Variants in GSK3B observed in about 807,000 individuals in gnomAD.
GSK3B encodes glycogen synthase kinase 3 beta, also known as glycogen synthase kinase-3 beta.
In GSK3B, 15 loss-of-function variants were observed where a neutral mutation model predicts 56.4. The observed-to-expected ratio is 0.27, with a 90% confidence interval of 0.18 to 0.41. The LOEUF is 0.41. Among genes scored for constraint, GSK3B ranks in the 10% least tolerant of loss-of-function variants. The probability of loss-of-function intolerance (pLI) is 1.00; values close to 1 mark genes in which losing one functional copy is unlikely to be tolerated. For synonymous variants in GSK3B, 181 were observed against 188.9 expected (o/e 0.96, Z 0.34); for missense variants, 300 against 513.4 (o/e 0.58, Z 4.02).
At chr3:119,948,760 G>A (rs550518515) in intron 2 of GSK3B, among the ~76,000 whole-genome samples, 46 of 152,286 alleles carry the variant, frequency 3.0e-4, no homozygotes, top group African/African-American at 1.1e-3. Flanking sequence ...GTGCAATGGC[G>A]TGATCTCGGC....
intron 3 of GSK3B, among the ~76,000 whole-genome samples, chr3:119,926,330 A>C (rs550807964): frequency 1.2e-5 from 1 of 84,222 alleles, no homozygotes; most frequent in East Asian, 7.5e-4. Flanking sequence ...TTACACTTCC[A>C]CACACACACA....
chr3:120,044,783 T>C (rs2058089862), intron 1 of GSK3B, among the ~76,000 whole-genome samples: 1 of 152,206 alleles, frequency 6.6e-6, no homozygotes, highest in African/African-American at 2.4e-5. Context: ...AAAAACAGAA[T>C]GGCCCTAGAC....
At chr3:119,961,711 T>C (rs77830433) in intron 2 of GSK3B, among the ~76,000 whole-genome samples, 15,717 of 148,506 alleles carry the variant, frequency 0.11, 927 homozygotes, top group African/African-American at 0.17. Context: ...ACAAATCAGA[T>C]ATAGAAGGAA....
intron 1 of GSK3B, among the ~76,000 whole-genome samples, chr3:120,008,054 A>G (rs975079027): frequency 6.6e-6 from 1 of 152,226 alleles, no homozygotes; most frequent in Non-Finnish European, 1.5e-5. Context: ...CACAAAATCA[A>G]TGTGCAAAAA....
rs1185409223 is a variant in GSK3B, at chr3:119,821,957, A to C, written c.*4831T>G. ...TAAAGACCACACACTTGTGAATTTT[A>C]ATTTCATTTCCAGGCTAACCTACTT... On this transcript the variant is annotated 3_prime_UTR_variant, in exon 11 of 11. Coordinates refer to ENST00000264235, the MANE Select transcript of GSK3B (RefSeq NM_001146156.2). The C allele has an allele frequency of 5.4e-6, 1 of 184,660 alleles. No individual in the cohort carries two copies. The highest frequency in any genetic ancestry group is 2.3e-5 in the African/African-American group (1 of 42,718). The allele number at this position is 184,660 out of a possible 1,614,324, so 11.4% of individuals were successfully genotyped here.
At chr3:119,891,563 C>A (rs1016409874) in intron 7 of GSK3B, among the ~76,000 whole-genome samples, 5 of 152,076 alleles carry the variant, frequency 3.3e-5, no homozygotes, top group Admixed American at 3.3e-4. Flanking sequence ...TCATTTCATA[C>A]ACAAAACAAG....
At chr3:119,930,142 C>T (rs1456883347) in intron 3 of GSK3B, among the ~76,000 whole-genome samples, 2 of 151,248 alleles carry the variant, frequency 1.3e-5, no homozygotes, top group Admixed American at 1.3e-4. Flanking sequence ...TGCACACACA[C>T]ATTTATTTAA....
At chr3:119,917,272 T>C (rs2056790383) in intron 4 of GSK3B, among the ~76,000 whole-genome samples, 1 of 152,216 alleles carries the variant, frequency 6.6e-6, no homozygotes, top group African/African-American at 2.4e-5. Flanking sequence ...TGGTGAAAAC[T>C]GCAGACAGCT....
At chr3:119,900,259 T>C (rs2056612357) in intron 7 of GSK3B, among the ~76,000 whole-genome samples, 1 of 152,158 alleles carries the variant, frequency 6.6e-6, no homozygotes, top group Non-Finnish European at 1.5e-5. Flanking sequence ...ACTGAAATTC[T>C]ATTATCAAGA....
At chr3:119,956,798 C>G (rs1360687830) in intron 2 of GSK3B, among the ~76,000 whole-genome samples, 1 of 152,154 alleles carries the variant, frequency 6.6e-6, no homozygotes, top group Non-Finnish European at 1.5e-5. Flanking sequence ...ATACAAGAGA[C>G]AGAGTGAGAA....
chr3:119,933,886 AAC>A (rs2056970127), intron 3 of GSK3B, among the ~76,000 whole-genome samples: 1 of 152,170 alleles, frequency 6.6e-6, no homozygotes, highest in African/African-American at 2.4e-5. Flanking sequence ...TAAAAATAAT[AAC>A]CATAATAATA....
At chr3:119,862,505 C>T (rs1252232741) in intron 9 of GSK3B, among the ~76,000 whole-genome samples, 2 of 103,492 alleles carry the variant, frequency 1.9e-5, no homozygotes, top group Admixed American at 2.3e-4. Flanking sequence ...GCACATGTAC[C>T]CTAAAACTTA....
rs544085637 is a variant in GSK3B, at chr3:120,052,127, C to T, written c.88+41220G>A. Reference sequence around the variant, plus strand: ...AGAGAAGTTCAATAAAGAGGGCTACCCCAGAAAACAGGATTTTCCATCCAT... The same window carrying T: ...AGAGAAGTTCAATAAAGAGGGCTACTCCAGAAAACAGGATTTTCCATCCAT... On this transcript the variant is annotated intron_variant, in intron 1 of 10. Transcript: ENST00000264235. Among the ~76,000 whole-genome samples the T allele has an allele frequency of 2.0e-5, 3 of 152,106 alleles. No homozygotes were observed. The South Asian group carries it at 6.2e-4, about 32-fold the overall frequency.
intron 8 of GSK3B, among the ~76,000 whole-genome samples, chr3:119,869,485 C>T (rs1453157145): frequency 6.6e-6 from 1 of 152,132 alleles, no homozygotes. Context: ...TAAGCCTTTT[C>T]GTTAAGATAC....
At chr3:120,078,472 T>G (rs545398225) in intron 1 of GSK3B, among the ~76,000 whole-genome samples, 1 of 152,148 alleles carries the variant, frequency 6.6e-6, no homozygotes, top group Admixed American at 6.5e-5. Context: ...AAACACACCC[T>G]TTGTTTCTAA....
chr3:120,065,653 T>C (rs1474190230), intron 1 of GSK3B, among the ~76,000 whole-genome samples: 1 of 152,122 alleles, frequency 6.6e-6, no homozygotes, highest in Non-Finnish European at 1.5e-5. Flanking sequence ...CAAAAACTTG[T>C]ACACAAATGT....
At chr3:119,924,552 C>G (rs1464630909) in intron 3 of GSK3B, among the ~76,000 whole-genome samples, 1 of 152,048 alleles carries the variant, frequency 6.6e-6, no homozygotes, top group Non-Finnish European at 1.5e-5. Flanking sequence ...AGAGAGAAAA[C>G]TATATTCAAA....
intron 7 of GSK3B, among the ~76,000 whole-genome samples, chr3:119,904,192 G>A (rs2056658340): frequency 6.6e-6 from 1 of 151,972 alleles, no homozygotes; most frequent in East Asian, 1.9e-4. Flanking sequence ...TGATATCCTC[G>A]ATTTTGCCTT....
At chr3:119,958,035 C>G (rs949363637) in intron 2 of GSK3B, among the ~76,000 whole-genome samples, 2 of 152,144 alleles carry the variant, frequency 1.3e-5, no homozygotes, top group African/African-American at 2.4e-5. Flanking sequence ...TATACCCCCC[C>G]AAGTGTCAAG....
Sources: allele counts gnomAD v4.1 joint callset (sites outside exome capture counted in the v4.1 genomes callset), GRCh38; gene constraint gnomAD v4.1.1; transcripts MANE v1.5; gene names NCBI Gene and HGNC (gene_info 2026-07-23, HGNC 2026-07-21).